Variants in CRK observed in about 807,000 individuals in gnomAD.
The protein encoded by CRK is CRK proto-oncogene, adaptor protein.
CRK carries 4 observed loss-of-function variants against 29.8 expected under a neutral mutation model. The observed-to-expected ratio is 0.13, with a 90% CI of 0.07 to 0.31. The LOEUF (loss-of-function observed/expected upper bound fraction) is 0.31. Ranked by LOEUF, CRK falls within the 10% of genes least tolerant of loss-of-function variation. CRK has a pLI of 1.00. For missense variants in CRK, 274 were observed against 396.5 expected (o/e 0.69, Z 2.62); for synonymous variants, 153 against 164.9 (o/e 0.93, Z 0.55).
At chr17:1,441,391 T>G (rs1190753262) in intron 1 of CRK, among the ~76,000 whole-genome samples, 1 of 152,046 alleles carries the variant, frequency 6.6e-6, no homozygotes, top group African/African-American at 2.4e-5. Context: ...TGCAGTAGTG[T>G]GATCACAGCT....
At chr17:1,434,520 C>T (rs1313771580) in intron 2 of CRK, among the ~76,000 whole-genome samples, 1 of 152,156 alleles carries the variant, frequency 6.6e-6, no homozygotes, top group Non-Finnish European at 1.5e-5. Context: ...CGACAGCTCA[C>T]ACCTGTAATC....
intron 1 of CRK, among the ~76,000 whole-genome samples, chr17:1,451,613 C>A (rs2074019116): frequency 6.6e-6 from 1 of 152,136 alleles, no homozygotes; most frequent in African/African-American, 2.4e-5. Context: ...CAGCTACTCA[C>A]AGCCTGAGTC....
intron 2 of CRK, 116 bp downstream of exon 2, chr17:1,436,504 C>A: frequency 8.8e-7 from 1 of 1,138,848 alleles, no homozygotes; most frequent in Non-Finnish European, 1.2e-6. Flanking sequence ...CAGTGCTTAG[C>A]GGCTTGCCAT....
At chr17:1,453,468 A>G (rs1017010333) in intron 1 of CRK, among the ~76,000 whole-genome samples, 1 of 152,236 alleles carries the variant, frequency 6.6e-6, no homozygotes, top group African/African-American at 2.4e-5. Flanking sequence ...GATACTATGC[A>G]GGTGGCATCA....
intron 2 of CRK, chr17:1,426,105 G>C (rs2073776884): frequency 6.6e-6 from 1 of 152,462 alleles, no homozygotes; most frequent in East Asian, 1.9e-4. Flanking sequence ...TTACTTGGGA[G>C]GCTGAGGTAG....
At chr17:1,431,269 G>A (rs1245156585) in intron 2 of CRK, among the ~76,000 whole-genome samples, 1 of 152,162 alleles carries the variant, frequency 6.6e-6, no homozygotes, top group Non-Finnish European at 1.5e-5. Context: ...GACTCTGGCT[G>A]GAGGAGGGCA....
At chr17:1,453,761 G>A (rs1021194038) in intron 1 of CRK, among the ~76,000 whole-genome samples, 1 of 152,026 alleles carries the variant, frequency 6.6e-6, no homozygotes, top group Admixed American at 6.6e-5. Context: ...ACAAAAACTA[G>A]CCAGGCGTAG....
intron 1 of CRK, among the ~76,000 whole-genome samples, chr17:1,437,493 G>A (rs963219041): frequency 1.3e-5 from 2 of 152,098 alleles, no homozygotes; most frequent in Admixed American, 1.3e-4. Context: ...GAAGAAAGAT[G>A]CCCATCACTA....
intron 1 of CRK, among the ~76,000 whole-genome samples, chr17:1,447,462 G>A (rs1164032582): frequency 6.6e-6 from 1 of 152,038 alleles, no homozygotes; most frequent in Admixed American, 6.6e-5. Context: ...CTCAGGTTAC[G>A]ACCATTTTTA....
intron 1 of CRK, among the ~76,000 whole-genome samples, chr17:1,452,255 G>T (rs2074023458): frequency 6.6e-6 from 1 of 152,150 alleles, no homozygotes; most frequent in Non-Finnish European, 1.5e-5. Context: ...AATAAATGGA[G>T]ATCATATTAC....
At chr17:1,453,286 G>C (rs77396776) in intron 1 of CRK, among the ~76,000 whole-genome samples, 9 of 152,134 alleles carry the variant, frequency 5.9e-5, no homozygotes, top group East Asian at 1.9e-4. Flanking sequence ...CGATTATCAC[G>C]GTAAGTGTTG....
Position 1,423,534 on chromosome 17 carries a change from A to G in CRK, c.894T>C (p.Asn298=), listed in dbSNP as rs2073747968. 1.9e-6 allele frequency: 3 copies of G among 1,613,742 alleles called. No homozygotes were observed. The highest frequency in any genetic ancestry group is 2.7e-5 in the African/African-American group (2 of 74,844). The part of the protein sequence containing the change: ...FTHVRLLDQQ[N]PDEDFS ...ATACTCAGCTGAAGTCCTCATCGGG[A>G]TTCTGTTGATCCAGCAGACGGACAT... Residue 298 remains asparagine, a synonymous_variant, in exon 3 of 3, where the codon AAT becomes AAC. Transcript: ENST00000300574.
At chr17:1,454,906 A>G (rs1037967061) in intron 1 of CRK, among the ~76,000 whole-genome samples, 2 of 152,186 alleles carry the variant, frequency 1.3e-5, no homozygotes, top group Non-Finnish European at 2.9e-5. Flanking sequence ...CTCCCTGGCA[A>G]GGAAAACCCA....
chr17:1,439,262 A>AT lies in CRK; in HGVS notation c.242-2108dup, dbSNP rs981261796. On this transcript the variant is annotated intron_variant, in intron 1 of 2. Transcript: ENST00000300574. Reference sequence around the variant, plus strand: ...AGGCACCCGCCACCATGCCTGGCTAATTTTTTTTGTATTTTTAATAGAGAC... The same window carrying AT: ...AGGCACCCGCCACCATGCCTGGCTAATTTTTTTTTGTATTTTTAATAGAGAC... Among the ~76,000 whole-genome samples, 18 of 151,842 alleles carry AT rather than the reference A, an allele frequency of 1.2e-4. 1 individual carries two copies. The highest frequency in any genetic ancestry group is 1.3e-4 in the Admixed American group (2 of 15,214).
chr17:1,450,369 T>G (rs1008931721), intron 1 of CRK, among the ~76,000 whole-genome samples: 2 of 151,732 alleles, frequency 1.3e-5, no homozygotes, highest in African/African-American at 4.8e-5. Context: ...TAGCCGGGCA[T>G]AGTGGCGGGC....
intron 1 of CRK, among the ~76,000 whole-genome samples, chr17:1,454,183 C>T (rs2074039089): frequency 6.6e-6 from 1 of 151,964 alleles, no homozygotes; most frequent in Non-Finnish European, 1.5e-5. Flanking sequence ...GCCTGGGCGA[C>T]AGAGAGACTC....
chr17:1,455,798 T>C (rs2150917174), intron 1 of CRK, 79 bp downstream of exon 1: 5 of 1,394,778 alleles, frequency 3.6e-6, no homozygotes, highest in Non-Finnish European at 4.6e-6. Flanking sequence ...GAGGGTCCGC[T>C]CTCGAGGACC....
At chr17:1,444,984 T>C (rs1036380071) in intron 1 of CRK, among the ~76,000 whole-genome samples, 1 of 149,914 alleles carries the variant, frequency 6.7e-6, no homozygotes, top group African/African-American at 2.5e-5. Context: ...CTGTCTCTAC[T>C]AAAAATACAA....
In CRK at chr17:1,423,250, T is replaced by C. The variant is rs2073745162; in HGVS notation, c.*263A>G. Reference sequence around the variant, plus strand: ...CCTGAGAGAAAGGAGGCAAGATACCTATCCCTTCTGATACACACAGGCACG... The same window carrying C: ...CCTGAGAGAAAGGAGGCAAGATACCCATCCCTTCTGATACACACAGGCACG... On this transcript the variant is annotated 3_prime_UTR_variant, in exon 3 of 3. Coordinates refer to ENST00000300574, the MANE Select transcript of CRK (RefSeq NM_016823.4). 1.9e-6 allele frequency: 1 copy of C among 533,096 alleles called. No individual in the cohort carries two copies. The highest frequency in any genetic ancestry group is 1.9e-5 in the African/African-American group (1 of 51,556). The allele number at this position is 533,096 out of a possible 1,614,324, so 33.0% of individuals were successfully genotyped here. A position where few individuals can be genotyped will look rare whatever the true frequency, so the allele number is the denominator to read the frequency against.
Sources: allele counts gnomAD v4.1 joint callset (sites outside exome capture counted in the v4.1 genomes callset), GRCh38; gene constraint gnomAD v4.1.1; transcripts MANE v1.5; gene names NCBI Gene and HGNC (gene_info 2026-07-23, HGNC 2026-07-21).